Variants in RIN3 observed in about 807,000 individuals in gnomAD.
The protein encoded by RIN3 is RAB5 interacting protein 3.
RIN3 carries 54 observed loss-of-function variants against 76.3 expected under a neutral mutation model. The observed-to-expected ratio is 0.71, with a 90% confidence interval of 0.57 to 0.89. RIN3 has a LOEUF of 0.89. Among genes scored for constraint, RIN3 ranks in the 40% least tolerant of loss-of-function variants. The pLI is 0.00. For synonymous variants in RIN3, 576 were observed against 564.0 expected (o/e 1.02, Z -0.30); for missense variants, 1,256 against 1,322.1 (o/e 0.95, Z 0.78).
intron 5 of RIN3, among the ~76,000 whole-genome samples, chr14:92,645,481 A>C (rs1176039753): frequency 6.6e-6 from 1 of 152,264 alleles, no homozygotes; most frequent in African/African-American, 2.4e-5. Context: ...CCTGGAAAAC[A>C]TGCTAAGTGA....
At position 92,605,859 on chromosome 14, in the gene RIN3, T is replaced by C. The variant is rs1490141582; in HGVS notation, c.368-9548T>C. Among the ~76,000 whole-genome samples, 6 of 152,216 alleles carry C rather than the reference T, an allele frequency of 3.9e-5. No homozygotes were observed. In the East Asian group the frequency reaches 1.2e-3, roughly 29 times the overall value. The stretch of plus-strand genomic sequence containing the variant: ...AAAGGCCCACAATTCATTAATGATA[T>C]CAATAGAGAGAAGAATTGACCGTTA... On this transcript the variant is annotated intron_variant, in intron 3 of 9. Coordinates refer to ENST00000216487, the MANE Select transcript of RIN3 (RefSeq NM_024832.5).
At chr14:92,625,246 G>T (rs926622469) in intron 4 of RIN3, among the ~76,000 whole-genome samples, 4 of 152,154 alleles carry the variant, frequency 2.6e-5, no homozygotes, top group African/African-American at 9.7e-5. Context: ...GAGACACTTA[G>T]TCCAGGGTAA....
chr14:92,687,029 C>T (rs571425167), intron 9 of RIN3: 7 of 152,514 alleles, frequency 4.6e-5, no homozygotes, highest in Admixed American at 3.9e-4. Context: ...TCCTCAGCCG[C>T]TTCCCGCGCA....
chr14:92,658,831 TC>T (rs1242172373), intron 6 of RIN3, among the ~76,000 whole-genome samples: 3 of 152,224 alleles, frequency 2.0e-5, no homozygotes, highest in Non-Finnish European at 4.4e-5. Context: ...ACTGTACAAC[TC>T]CAGTGTGAGT....
At chr14:92,611,585 G>A (rs7157273) in intron 3 of RIN3, among the ~76,000 whole-genome samples, 76,216 of 151,948 alleles carry the variant, frequency 0.5, 19,961 homozygotes, top group Admixed American at 0.61. Flanking sequence ...GACACCAACC[G>A]TTGGATTTAG....
chr14:92,537,779 G>A (rs971981023), intron 1 of RIN3, among the ~76,000 whole-genome samples: 7 of 151,132 alleles, frequency 4.6e-5, no homozygotes, highest in Non-Finnish European at 7.4e-5. Context: ...AGCCTCCTGG[G>A]TAGCTGGGAT....
intron 1 of RIN3, among the ~76,000 whole-genome samples, chr14:92,545,533 G>T (rs975177390): frequency 8.1e-6 from 1 of 123,944 alleles, no homozygotes; most frequent in African/African-American, 3.0e-5. Context: ...ACATTTGCTC[G>T]TTTGCACTCT....
chr14:92,561,020 T>TTA (rs1897747429), intron 2 of RIN3, among the ~76,000 whole-genome samples: 1 of 23,642 alleles, frequency 4.2e-5, no homozygotes, highest in Non-Finnish European at 7.7e-5. Context: ...AAACTCTGTC[T>TTA]AAAAAAAAAA....
chr14:92,665,202 G>C (rs8014880), intron 7 of RIN3, among the ~76,000 whole-genome samples: 1,968 of 151,958 alleles, frequency 0.013, 52 homozygotes, highest in African/African-American at 0.045. Context: ...ACTGTAGGCA[G>C]TTGTAGCTCA....
At chr14:92,683,567 G>A (rs147232042) in intron 8 of RIN3, among the ~76,000 whole-genome samples, 1 of 152,228 alleles carries the variant, frequency 6.6e-6, no homozygotes, top group African/African-American at 2.4e-5. Context: ...GAAACATTGT[G>A]TATTAAGAAT....
At chr14:92,549,666 C>G (rs74509551) in intron 1 of RIN3, among the ~76,000 whole-genome samples, 1 of 152,192 alleles carries the variant, frequency 6.6e-6, no homozygotes, top group East Asian at 1.9e-4. Flanking sequence ...GAGAAAATCC[C>G]CATAGAAGCT....
intron 1 of RIN3, among the ~76,000 whole-genome samples, chr14:92,544,460 G>A (rs1365469004): frequency 4.0e-5 from 6 of 151,782 alleles, no homozygotes; most frequent in Non-Finnish European, 8.8e-5. Context: ...AAGTCCCCTG[G>A]GGCTGATTCT....
intron 7 of RIN3, among the ~76,000 whole-genome samples, chr14:92,663,859 C>T (rs1887973140): frequency 6.6e-6 from 1 of 152,200 alleles, no homozygotes; most frequent in African/African-American, 2.4e-5. Flanking sequence ...ATACACTTGT[C>T]ATGTTGCGAT....
At position 92,568,540 on chromosome 14, in the gene RIN3, A is replaced by T. The variant is rs1566846491; in HGVS notation, c.250-8820A>T. Among the ~76,000 whole-genome samples, 1 of 152,256 alleles carries T rather than the reference A, an allele frequency of 6.6e-6. No homozygotes were observed. Among genetic ancestry groups the T allele is most frequent in the Non-Finnish European group, 1.5e-5 (1 of 68,042 alleles). On this transcript the variant is annotated intron_variant, in intron 2 of 9. Transcript: ENST00000216487. This position sits in a 1 kb window ranked among gnomAD's most constrained non-coding sequence, Gnocchi z 4.2. ...AGCAGCTAAACCTCCCCAGAGAGGA[A>T]CAGAACAGACCCTCTGATTCCAGTT... is the stretch of plus-strand genomic sequence containing the variant.
Position 92,688,432 on chromosome 14 carries a change from A to T in RIN3, c.*180A>T. On this transcript the variant is annotated 3_prime_UTR_variant, in exon 10 of 10. Transcript: ENST00000216487. ...GACGCTCGTCCAAGGCCACTTCCTGAGGGCAAGTCCTAATAGCCCTGAGAC... is the reference window on the plus strand; with the variant it reads ...GACGCTCGTCCAAGGCCACTTCCTGTGGGCAAGTCCTAATAGCCCTGAGAC... 6.5e-6 allele frequency: 4 copies of T among 615,166 alleles called. No homozygotes were observed. The highest frequency in any genetic ancestry group is 1.1e-5 in the Non-Finnish European group (4 of 357,484). The allele number at this position is 615,166 out of a possible 1,614,324, so 38.1% of individuals were successfully genotyped here. A position where few individuals can be genotyped will look rare whatever the true frequency, so the allele number is the denominator to read the frequency against.
At chr14:92,650,278 CA>C (rs1461678129) in intron 5 of RIN3, among the ~76,000 whole-genome samples, 2 of 152,234 alleles carry the variant, frequency 1.3e-5, no homozygotes, top group African/African-American at 4.8e-5. Flanking sequence ...GGTCAAATCC[CA>C]GCGTCTCACT....
chr14:92,608,205 C>T (rs1233653490), intron 3 of RIN3, among the ~76,000 whole-genome samples: 2 of 152,170 alleles, frequency 1.3e-5, no homozygotes, highest in African/African-American at 4.8e-5. Flanking sequence ...CTGGGGATTG[C>T]ATTGAGGTCA....
chr14:92,571,620 T>C (rs1343826993), intron 2 of RIN3, among the ~76,000 whole-genome samples: 1 of 152,182 alleles, frequency 6.6e-6, no homozygotes, highest in Non-Finnish European at 1.5e-5. Flanking sequence ...TAGTGCAGAC[T>C]CCACGGGCTG....
chr14:92,587,599 G>T (rs996361275), intron 3 of RIN3, among the ~76,000 whole-genome samples: 1 of 152,006 alleles, frequency 6.6e-6, no homozygotes, highest in Non-Finnish European at 1.5e-5. Flanking sequence ...AGTGTACATG[G>T]GCTGCCACCT....
Sources: allele counts gnomAD v4.1 joint callset (sites outside exome capture counted in the v4.1 genomes callset), GRCh38; gene constraint gnomAD v4.1.1; non-coding constraint Gnocchi (gnomAD v3.1); transcripts MANE v1.5; gene names NCBI Gene and HGNC (gene_info 2026-07-23, HGNC 2026-07-21).